LRBA: variants seen among roughly 807,000 people sequenced by gnomAD.
LRBA encodes the protein LPS responsive beige-like anchor protein, also known as lipopolysaccharide-responsive and beige-like anchor protein.
A neutral mutation model predicts 330.0 loss-of-function variants in LRBA; 176 were observed. The ratio of observed to expected loss-of-function variants is 0.53; its 90% CI spans 0.47 to 0.60. LRBA has a LOEUF of 0.60. Among genes scored for constraint, LRBA ranks in the 20% least tolerant of loss-of-function variants. The pLI is 0.00. For synonymous variants in LRBA, 1,230 were observed against 1,193.0 expected (o/e 1.03, Z -0.64); for missense variants, 3,259 against 3,444.8 (o/e 0.95, Z 1.35).
At chr4:150,871,815 T>C (rs1378856233) in intron 18 of LRBA, among the ~76,000 whole-genome samples, 1 of 152,030 alleles carries the variant, frequency 6.6e-6, no homozygotes, top group Non-Finnish European at 1.5e-5. Flanking sequence ...TAAAGCACAA[T>C]AAATACTTAA....
intron 2 of LRBA, among the ~76,000 whole-genome samples, chr4:150,995,561 T>C (rs900160336): frequency 6.6e-6 from 1 of 151,942 alleles, no homozygotes; most frequent in African/African-American, 2.4e-5. Flanking sequence ...GATAGAAACA[T>C]TACAATTGCT....
chr4:150,443,853 A>AAAAAAAAATATATATAT (rs70941406), intron 44 of LRBA, among the ~76,000 whole-genome samples: 1 of 75,470 alleles, frequency 1.3e-5, no homozygotes, highest in Non-Finnish European at 3.0e-5. Context: ...TAATTAAAAA[A>AAAAAAAAATATATATAT]ATATATATAT....
chr4:150,826,302 AAACGT>A (rs1354146212), intron 30 of LRBA, among the ~76,000 whole-genome samples: 1 of 152,214 alleles, frequency 6.6e-6, no homozygotes, highest in African/African-American at 2.4e-5. Context: ...TAATGCAGAC[AAACGT>A]AACCTATTTG....
intron 46 of LRBA, chr4:150,423,408 T>C (rs1749100180): frequency 3.2e-6 from 2 of 630,844 alleles, no homozygotes; most frequent in Non-Finnish European, 5.7e-6. Context: ...CCCTTCCTTC[T>C]GCGCTTCTTT....
chr4:150,428,199 ATTTAC>A (rs1205357459), intron 46 of LRBA, among the ~76,000 whole-genome samples: 4 of 152,060 alleles, frequency 2.6e-5, no homozygotes, highest in Non-Finnish European at 2.9e-5. Context: ...ATTGCATTCT[ATTTAC>A]TTAACTGTAA....
intron 40 of LRBA, among the ~76,000 whole-genome samples, chr4:150,529,705 G>C (rs1469006798): frequency 5.4e-5 from 8 of 148,094 alleles, no homozygotes. Context: ...CTGGGCTACA[G>C]AGCGAGACTC....
chr4:150,702,498 C>T (rs1785211527), intron 36 of LRBA, among the ~76,000 whole-genome samples: 1 of 152,120 alleles, frequency 6.6e-6, no homozygotes, highest in East Asian at 1.9e-4. Flanking sequence ...TGCCATTTTA[C>T]AACCTATGTT....
chr4:150,919,050 C>T (rs918568356), intron 5 of LRBA, among the ~76,000 whole-genome samples: 2 of 152,048 alleles, frequency 1.3e-5, no homozygotes, highest in Non-Finnish European at 2.9e-5. Flanking sequence ...ATGGTATATC[C>T]ATACAATATA....
At chr4:150,910,813 G>T (rs1731907451) in intron 9 of LRBA, among the ~76,000 whole-genome samples, 1 of 152,088 alleles carries the variant, frequency 6.6e-6, no homozygotes. Flanking sequence ...ATTTGTTTCG[G>T]TCTCTTAAAT....
In LRBA at chr4:150,421,126, A is replaced by ATAAAGTATATATAATATACATTATAT. The variant is rs1748708226; in HGVS notation, c.7042-5562_7042-5537dup. Among the ~76,000 whole-genome samples the ATAAAGTATATATAATATACATTATAT allele has an allele frequency of 6.9e-5, 7 of 101,740 alleles. No individual in the cohort carries two copies. The South Asian group carries it at 1.4e-3, about 20-fold the overall frequency. 66.7% of individuals were successfully genotyped at this position (101,740 alleles called of 152,430 possible). ...ATATATAATATACATTATAATATAT[A>ATAAAGTATATATAATATACATTATAT]TAAAGTATATATAATATACATTATA... is the stretch of plus-strand genomic sequence containing the variant. On this transcript the variant is annotated intron_variant, in intron 46 of 56. Coordinates refer to ENST00000651943, the MANE Select transcript of LRBA (RefSeq NM_001364905.1).
intron 28 of LRBA, among the ~76,000 whole-genome samples, chr4:150,839,392 T>C (rs1042677356): frequency 7.2e-5 from 11 of 152,192 alleles, no homozygotes; most frequent in Admixed American, 3.3e-4. Flanking sequence ...ACTGGGTATA[T>C]ACTCAAAGGA....
At chr4:150,612,351 T>A (rs1207555712) in intron 37 of LRBA, among the ~76,000 whole-genome samples, 1 of 152,182 alleles carries the variant, frequency 6.6e-6, no homozygotes, top group Admixed American at 6.5e-5. Context: ...TAACTGATTT[T>A]AACTAACATA....
At position 150,321,387 on chromosome 4, in the gene LRBA, TTGAG is replaced by T. The variant is rs1312288356; in HGVS notation, c.7453-23_7453-20del. On this transcript the variant is annotated intron_variant, in intron 49 of 56. Transcript: ENST00000651943. This position sits in a 1 kb window ranked among gnomAD's most constrained non-coding sequence, Gnocchi z 4.5. The stretch of plus-strand genomic sequence containing the variant: ...ATGGACTCTGCAGGAGGAGATACTG[TTGAG>T]TGGGCATGACAAGACCCAAATAGAC... The T allele has an allele frequency of 1.3e-6, 2 of 1,552,172 alleles. No individual in the cohort carries two copies. The highest frequency in any genetic ancestry group is 1.7e-6 in the Non-Finnish European group (2 of 1,156,996).
intron 33 of LRBA, among the ~76,000 whole-genome samples, chr4:150,799,725 TATC>T (rs1741313459): frequency 6.6e-6 from 1 of 152,146 alleles, no homozygotes; most frequent in Non-Finnish European, 1.5e-5. Context: ...TTACCACACT[TATC>T]ATATTTCATA....
intron 17 of LRBA, among the ~76,000 whole-genome samples, chr4:150,888,017 C>T (rs1169237595): frequency 6.6e-6 from 1 of 151,738 alleles, no homozygotes; most frequent in Non-Finnish European, 1.5e-5. Context: ...GTCTTGAAAG[C>T]AAGTGCAGAA....
chr4:150,889,439 G>A (rs10015967), intron 17 of LRBA, among the ~76,000 whole-genome samples: 1 of 152,024 alleles, frequency 6.6e-6, no homozygotes, highest in Non-Finnish European at 1.5e-5. Flanking sequence ...TCAGGTGATC[G>A]AGACCATCCT....
chr4:150,639,819 G>GTATATATATA (rs56731034), intron 37 of LRBA, among the ~76,000 whole-genome samples: 2 of 4,512 alleles, frequency 4.4e-4, no homozygotes, highest in African/African-American at 8.3e-4. Context: ...GTGTGTGTGT[G>GTATATATATA]TATATATATA....
intron 49 of LRBA, among the ~76,000 whole-genome samples, chr4:150,323,610 C>T (rs1238318047): frequency 6.6e-6 from 1 of 152,216 alleles, no homozygotes; most frequent in Admixed American, 6.5e-5. Context: ...TGTCCACTGC[C>T]TTCGTACAAA....
intron 50 of LRBA, among the ~76,000 whole-genome samples, chr4:150,320,446 A>G (rs1012769598): frequency 2.6e-5 from 4 of 152,114 alleles, no homozygotes; most frequent in African/African-American, 9.7e-5. Context: ...ATCCTCAACA[A>G]ATACTACCAA....
Sources: allele counts gnomAD v4.1 joint callset (sites outside exome capture counted in the v4.1 genomes callset), GRCh38; gene constraint gnomAD v4.1.1; non-coding constraint Gnocchi (gnomAD v3.1); transcripts MANE v1.5; gene names NCBI Gene and HGNC (gene_info 2026-07-23, HGNC 2026-07-21).